Variants in DTD1 observed in about 807,000 individuals in gnomAD.
DTD1 encodes D-aminoacyl-tRNA deacylase 1.
DTD1 carries 13 observed loss-of-function variants against 25.6 expected under a neutral mutation model. The observed-to-expected ratio is 0.51, with a 90% CI of 0.33 to 0.81. The LOEUF (loss-of-function observed/expected upper bound fraction) is 0.81. Among genes scored for constraint, DTD1 ranks in the 30% least tolerant of loss-of-function variants. The pLI, the probability that DTD1 is intolerant of heterozygous loss-of-function variation, is 0.02. For missense variants in DTD1, 193 were observed against 266.4 expected (o/e 0.72, Z 1.92); for synonymous variants, 110 against 103.6 (o/e 1.06, Z -0.37).
intron 4 of DTD1, among the ~76,000 whole-genome samples, chr20:18,661,562 G>A (rs982919788): frequency 7.2e-5 from 11 of 151,956 alleles, no homozygotes; most frequent in East Asian, 3.9e-4. Context: ...TAGTAGAGAC[G>A]GGGTTTCACC....
chr20:18,759,850 TC>T (rs2061354366), intron 5 of DTD1, among the ~76,000 whole-genome samples: 1 of 152,252 alleles, frequency 6.6e-6, no homozygotes, highest in Non-Finnish European at 1.5e-5. Flanking sequence ...GGTTCCATTC[TC>T]CCCGTCACTT....
intron 4 of DTD1, among the ~76,000 whole-genome samples, chr20:18,636,464 T>A (rs1969716): frequency 0.84 from 128,453 of 152,240 alleles, 55,016 homozygotes; most frequent in Non-Finnish European, 0.93. Flanking sequence ...AGTGATAGAA[T>A]TCTAAAAAAT....
intron 3 of DTD1, among the ~76,000 whole-genome samples, chr20:18,610,612 A>G (rs1250103658): frequency 1.3e-5 from 2 of 152,238 alleles, no homozygotes; most frequent in African/African-American, 4.8e-5. Flanking sequence ...CTTGGGCTTA[A>G]AAAACCAGAA....
At chr20:18,708,170 T>TATATATATA (rs1201343698) in intron 4 of DTD1, among the ~76,000 whole-genome samples, 2 of 96,844 alleles carry the variant, frequency 2.1e-5, no homozygotes, top group African/African-American at 7.9e-5. Flanking sequence ...TGTGTGTGTG[T>TATATATATA]GTATATATAT....
At chr20:18,730,958 C>T (rs185909797) in intron 4 of DTD1, among the ~76,000 whole-genome samples, 36 of 152,322 alleles carry the variant, frequency 2.4e-4, no homozygotes, top group Middle Eastern at 3.4e-3. Flanking sequence ...TACTTCTCTT[C>T]GTCCATTCCT....
At chr20:18,708,991 A>G (rs1234557149) in intron 4 of DTD1, among the ~76,000 whole-genome samples, 2 of 152,170 alleles carry the variant, frequency 1.3e-5, no homozygotes, top group African/African-American at 2.4e-5. Context: ...ATCGATTGCC[A>G]CTGCTGCGTC....
At chr20:18,665,477 G>A (rs530595477) in intron 4 of DTD1, among the ~76,000 whole-genome samples, 1 of 152,350 alleles carries the variant, frequency 6.6e-6, no homozygotes, top group South Asian at 2.1e-4. Flanking sequence ...CAGGAGCCTG[G>A]TGGTTCTGCC....
intron 5 of DTD1, among the ~76,000 whole-genome samples, chr20:18,746,141 G>T (rs1437669524): frequency 1.5e-4 from 23 of 152,148 alleles, no homozygotes; most frequent in Non-Finnish European, 2.9e-5. Context: ...GGTGCCTGTT[G>T]GCAGCCAATG....
At chr20:18,631,265 G>A (rs1380403892) in intron 4 of DTD1, 1 of 984,902 alleles carries the variant, frequency 1.0e-6, no homozygotes, top group East Asian at 1.1e-4. Context: ...GAAAATGTGG[G>A]GCCCCTTGTT....
intron 4 of DTD1, among the ~76,000 whole-genome samples, chr20:18,640,325 T>C (rs1419421018): frequency 6.6e-6 from 1 of 152,158 alleles, no homozygotes; most frequent in Non-Finnish European, 1.5e-5. Context: ...TTTTGTTATA[T>C]CTAATACATA....
intron 4 of DTD1, among the ~76,000 whole-genome samples, chr20:18,646,616 G>C (rs1007547432): frequency 6.6e-6 from 1 of 152,170 alleles, no homozygotes; most frequent in African/African-American, 2.4e-5. Context: ...TGGTGTTTTC[G>C]TGTGTCAGGT....
intron 4 of DTD1, among the ~76,000 whole-genome samples, chr20:18,727,334 C>T (rs1276380829): frequency 6.6e-6 from 1 of 152,038 alleles, no homozygotes; most frequent in Non-Finnish European, 1.5e-5. Flanking sequence ...TAGGCTTGGG[C>T]AGGAAACAGG....
intron 4 of DTD1, chr20:18,632,445 C>T: frequency 1.0e-6 from 1 of 985,506 alleles, no homozygotes; most frequent in Non-Finnish European, 1.2e-6. Context: ...CTGGCCTGTG[C>T]CTGGGGCCTC....
intron 4 of DTD1, among the ~76,000 whole-genome samples, chr20:18,695,294 CT>C: frequency 6.6e-6 from 1 of 151,772 alleles, no homozygotes; most frequent in South Asian, 2.1e-4. Context: ...AGGTGCACAT[CT>C]GCCTCTGGTT....
At chr20:18,751,416 G>A (rs1398539826) in intron 5 of DTD1, among the ~76,000 whole-genome samples, 1 of 151,896 alleles carries the variant, frequency 6.6e-6, no homozygotes, top group Admixed American at 6.6e-5. Flanking sequence ...TATTCCCAGT[G>A]ACATTGCTAT....
At chr20:18,663,775 G>A (rs745349108) in intron 4 of DTD1, among the ~76,000 whole-genome samples, 1 of 152,196 alleles carries the variant, frequency 6.6e-6, no homozygotes, top group African/African-American at 2.4e-5. Context: ...TGTAGAAAAG[G>A]CACCTCTTCA....
intron 3 of DTD1, among the ~76,000 whole-genome samples, chr20:18,610,865 T>C (rs1270158141): frequency 1.2e-5 from 1 of 81,464 alleles, no homozygotes. Context: ...TGAGCTGAGA[T>C]GGTGCTGCTG....
In DTD1 at chr20:18,764,437, A is replaced by G. The variant is rs2061374003; in HGVS notation, c.*1097A>G. 6.6e-6 allele frequency: 1 copy of G among 152,214 alleles called. No homozygotes were observed. Among genetic ancestry groups the G allele is most frequent in the Non-Finnish European group, 1.5e-5 (1 of 68,038 alleles). 9.4% of individuals were successfully genotyped at this position (152,214 alleles called of 1,614,324 possible). ...AATAGCTTTATTTATATATCTAATA[A>G]CGCTCGCATATATGCTCTCTGGAAA... On this transcript the variant is annotated 3_prime_UTR_variant, in exon 6 of 6. Coordinates refer to ENST00000377452, the MANE Select transcript of DTD1 (RefSeq NM_080820.6).
At chr20:18,695,496 T>TTTCCC (rs1236295942) in intron 4 of DTD1, among the ~76,000 whole-genome samples, 1,136 of 50,014 alleles carry the variant, frequency 0.023, 125 homozygotes, top group East Asian at 0.038. Context: ...CTTCCTTTCC[T>TTTCCC]TTCCCTTCCC....
Sources: gnomAD v4.1 joint callset for allele counts (sites outside exome capture counted in the v4.1 genomes callset) on GRCh38, gnomAD v4.1.1 for gene constraint, MANE v1.5 for transcripts, NCBI Gene and HGNC (gene_info 2026-07-23, HGNC 2026-07-21) for gene names.